THADA: variants seen among roughly 807,000 people sequenced by gnomAD.
THADA encodes the protein tRNA (32-2'-O)-methyltransferase regulator THADA.
Under a neutral mutation model 219.8 loss-of-function variants are expected in THADA, and 213 were observed. The ratio of observed to expected loss-of-function variants is 0.97; its 90% CI spans 0.87 to 1.09. The LOEUF (loss-of-function observed/expected upper bound fraction) is 1.09, where lower values mean the gene tolerates loss of function less well. THADA is among the 50% of genes least tolerant of loss of function. THADA has a pLI of 0.00. For synonymous variants in THADA, 1,018 were observed against 828.9 expected (o/e 1.23, Z -3.92); for missense variants, 2,956 against 2,311.3 (o/e 1.28, Z -5.72).
chr2:43,529,366 G>A (rs1038872293), intron 21 of THADA, among the ~76,000 whole-genome samples: 2 of 152,040 alleles, frequency 1.3e-5, no homozygotes, highest in Non-Finnish European at 2.9e-5. Context: ...ACAGGGTCTT[G>A]CTATGTTGCC....
intron 29 of THADA, among the ~76,000 whole-genome samples, chr2:43,395,820 T>C (rs6710846): frequency 0.25 from 37,615 of 152,132 alleles, 4,828 homozygotes; most frequent in South Asian, 0.33. Flanking sequence ...GGCATGATCT[T>C]GGCTCACTGC....
chr2:43,289,072 G>A (rs2104353681), intron 34 of THADA, among the ~76,000 whole-genome samples: 1 of 152,276 alleles, frequency 6.6e-6, no homozygotes, highest in South Asian at 2.1e-4. Context: ...ATAATATGTA[G>A]TCTTTTATGA....
chr2:43,236,072 G>A (rs1352880725), intron 36 of THADA, among the ~76,000 whole-genome samples: 1 of 152,118 alleles, frequency 6.6e-6, no homozygotes, highest in Non-Finnish European at 1.5e-5. Context: ...GCCTCCCAAA[G>A]TGCTGGGATT....
intron 8 of THADA, among the ~76,000 whole-genome samples, chr2:43,579,978 A>T (rs1700238917): frequency 1.3e-5 from 2 of 151,928 alleles, no homozygotes; most frequent in African/African-American, 4.8e-5. Flanking sequence ...CTGGAAAAGA[A>T]TAGTACTGAT....
intron 24 of THADA, among the ~76,000 whole-genome samples, chr2:43,504,201 A>G (rs1285425122): frequency 1.3e-5 from 2 of 152,224 alleles, no homozygotes; most frequent in African/African-American, 4.8e-5. Flanking sequence ...CATTTCACTG[A>G]AAAATGTCTT....
At chr2:43,394,732 C>G (rs1673817784) in intron 29 of THADA, among the ~76,000 whole-genome samples, 1 of 152,206 alleles carries the variant, frequency 6.6e-6, no homozygotes, top group Admixed American at 6.5e-5. Context: ...GTGTGACACC[C>G]AAATGGACAT....
At chr2:43,445,544 G>C (rs940170510) in intron 26 of THADA, among the ~76,000 whole-genome samples, 1 of 152,266 alleles carries the variant, frequency 6.6e-6, no homozygotes, top group Non-Finnish European at 1.5e-5. Context: ...CTTTCAGGCA[G>C]ACCATGTTTG....
rs752480005 is a variant in THADA, at chr2:43,485,231, T to A, written c.3836+3A>T. The A allele has an allele frequency of 1.2e-6, 2 of 1,605,846 alleles. No homozygotes were observed. The highest frequency in any genetic ancestry group is 1.7e-4 in the Middle Eastern group (1 of 6,030). ...AGTAAAGTTAGCCTTAAATGGAGCT[T>A]ACCTATTTGTTTTGGAATGTTCATC... On this transcript the variant is annotated splice_donor_region_variant and intron_variant, in intron 26 of 37. Transcript: ENST00000405975.
intron 15 of THADA, chr2:43,564,846 C>T (rs1698481319): frequency 6.6e-6 from 1 of 152,168 alleles, no homozygotes; most frequent in Admixed American, 6.5e-5. Flanking sequence ...AACCCTGAGA[C>T]ATATTCTTCC....
chr2:43,509,024 T>C (rs1341886935), intron 22 of THADA, among the ~76,000 whole-genome samples: 1 of 152,156 alleles, frequency 6.6e-6, no homozygotes, highest in Non-Finnish European at 1.5e-5. Context: ...TAAATTTTGA[T>C]ACATGGGTTT....
intron 26 of THADA, among the ~76,000 whole-genome samples, chr2:43,468,008 G>A (rs774596372): frequency 2.0e-5 from 3 of 152,194 alleles, no homozygotes; most frequent in Non-Finnish European, 4.4e-5. Flanking sequence ...GCTTGGAAAG[G>A]CCTAAAGCTT....
chr2:43,407,247 C>G (rs1310016999), intron 28 of THADA, among the ~76,000 whole-genome samples: 6 of 152,148 alleles, frequency 3.9e-5, no homozygotes, highest in Non-Finnish European at 7.3e-5. Flanking sequence ...AATGGGTAGT[C>G]ATTTTAAGAC....
intron 28 of THADA, among the ~76,000 whole-genome samples, chr2:43,418,152 G>A (rs1677235854): frequency 1.3e-5 from 2 of 152,140 alleles, no homozygotes; most frequent in African/African-American, 4.8e-5. Context: ...TTGAGTGAAT[G>A]AATAAATGAA....
At chr2:43,279,960 C>CT (rs2104310857) in intron 35 of THADA, 64 bp from the exon 36 acceptor site, 1 of 1,393,644 alleles carries the variant, frequency 7.2e-7, no homozygotes, top group Admixed American at 3.5e-5. Context: ...GCAAATACTG[C>CT]TTCAAATCCC....
chr2:43,580,314 C>G (rs1700299006), intron 8 of THADA, among the ~76,000 whole-genome samples: 1 of 151,962 alleles, frequency 6.6e-6, no homozygotes, highest in Non-Finnish European at 1.5e-5. Context: ...GCTGGGATTA[C>G]AGGCATGAGC....
At position 43,546,048 on chromosome 2, in the gene THADA, T is replaced by C. The variant is rs565489840; in HGVS notation, c.3106+3162A>G. Among the ~76,000 whole-genome samples, 448 of 149,646 alleles carry C rather than the reference T, an allele frequency of 3.0e-3. 6 individuals are homozygous for C. Among genetic ancestry groups the C allele is most frequent in the African/African-American group, 9.0e-3 (362 of 40,110 alleles). ...TTCCCTCTACACACTGCTTTGAATG[T>C]GTCCGAGAGATTCTGGTATGTTGTG... On this transcript the variant is annotated intron_variant, in intron 20 of 37. Coordinates refer to ENST00000405975, the MANE Select transcript of THADA (RefSeq NM_022065.5).
rs752807012 is a variant in THADA at position 43,398,060 on chromosome 2, G to T, written c.4138C>A (p.Pro1380Thr). 3.1e-6 allele frequency: 5 copies of T among 1,613,870 alleles called. No homozygotes were observed. The African/African-American group carries it at 5.3e-5, about 17-fold the overall frequency. Residue 1380 changes from proline (P) to threonine (T), a missense_variant, in exon 29 of 38, where the codon CCT becomes ACT. By Grantham distance (38) the Pro-to-Thr change is conservative. Transcript: ENST00000405975. The part of the protein sequence containing the change: ...LVPFVMIDHI[P>T]NTIRTLLSTL... ...GACAACAGAGTTCGAATGGTATTAG[G>T]AATGTGATCTATCATAACAAATGGG...
intron 17 of THADA, 118 bp downstream of exon 17, chr2:43,556,227 T>G (rs1697325238): frequency 7.3e-6 from 11 of 1,506,976 alleles, no homozygotes; most frequent in African/African-American, 2.8e-5. Context: ...TGCTCTTATA[T>G]GCTGATAAAC....
intron 28 of THADA, among the ~76,000 whole-genome samples, chr2:43,425,934 G>A (rs887810931): frequency 1.3e-5 from 2 of 152,144 alleles, no homozygotes; most frequent in African/African-American, 2.4e-5. Context: ...AAATAACCTT[G>A]TATTTTGGTT....
Sources: gnomAD v4.1 joint callset for allele counts (sites outside exome capture counted in the v4.1 genomes callset) on GRCh38, gnomAD v4.1.1 for gene constraint, MANE v1.5 for transcripts, NCBI Gene and HGNC (gene_info 2026-07-23, HGNC 2026-07-21) for gene names.